Variants in CENPQ observed in about 807,000 individuals in gnomAD.
CENPQ encodes centromere protein Q.
Under a neutral mutation model 36.6 loss-of-function variants are expected in CENPQ, and 27 were observed. The observed-to-expected ratio is 0.74, with a 90% CI of 0.54 to 1.02. CENPQ has a LOEUF of 1.02. Among genes scored for constraint, CENPQ ranks in the 50% least tolerant of loss-of-function variants. CENPQ has a pLI of 0.00. For missense variants in CENPQ, 306 were observed against 301.8 expected, an observed-to-expected ratio of 1.01 and a Z score of -0.10; for synonymous variants, 101 against 101.7, an observed-to-expected ratio of 0.99 and a Z score of 0.04.
chr6:49,483,866 A>C (rs995185809), intron 6 of CENPQ, among the ~76,000 whole-genome samples: 17 of 152,224 alleles, frequency 1.1e-4, no homozygotes, highest in African/African-American at 3.9e-4. Flanking sequence ...GGGCTCCCAC[A>C]GTGCAGCAGT....
chr6:49,485,802 G>GA (rs373232968), intron 6 of CENPQ, among the ~76,000 whole-genome samples: 47 of 144,276 alleles, frequency 3.3e-4, no homozygotes, highest in African/African-American at 7.1e-4. Context: ...AAGGAATTGA[G>GA]AAAAAAAAAA....
At chr6:49,487,376 T>C (rs575998470) in intron 6 of CENPQ, among the ~76,000 whole-genome samples, 2 of 143,936 alleles carry the variant, frequency 1.4e-5, no homozygotes, top group South Asian at 4.4e-4. Flanking sequence ...TCTTTTAAAA[T>C]GTACAAACAA....
intron 1 of CENPQ, among the ~76,000 whole-genome samples, chr6:49,468,986 A>T (rs1265606672): frequency 6.6e-6 from 1 of 152,196 alleles, no homozygotes; most frequent in African/African-American, 2.4e-5. Context: ...TAGAAATTGA[A>T]CACAAGATAG....
intron 5 of CENPQ, 142 bp downstream of exon 5, chr6:49,473,000 CT>C (rs1371534804): frequency 1.9e-6 from 1 of 537,266 alleles, no homozygotes; most frequent in Non-Finnish European, 2.7e-6. Context: ...TATGTTTTCT[CT>C]TTTTTCTAAA....
At chr6:49,472,322 A>T in intron 4 of CENPQ, 139 bp downstream of exon 4, 2 of 674,514 alleles carry the variant, frequency 3.0e-6, no homozygotes, top group Non-Finnish European at 4.3e-6. Context: ...AATTAATGTG[A>T]CGGTATTTGC....
intron 6 of CENPQ, 144 bp from the exon 7 acceptor site, chr6:49,488,208 C>A: frequency 1.7e-6 from 1 of 579,876 alleles, no homozygotes; most frequent in African/African-American, 1.9e-5. Context: ...TTGAAAGAAA[C>A]AAAAGTAAAT....
At chr6:49,477,293 C>T (rs974277259) in intron 5 of CENPQ, among the ~76,000 whole-genome samples, 31 of 151,798 alleles carry the variant, frequency 2.0e-4, no homozygotes, top group African/African-American at 7.0e-4. Flanking sequence ...AGCTGGAAAC[C>T]ATCATTCTCA....
intron 5 of CENPQ, among the ~76,000 whole-genome samples, chr6:49,480,097 A>G (rs896295459): frequency 6.6e-6 from 1 of 152,156 alleles, no homozygotes; most frequent in Non-Finnish European, 1.5e-5. Context: ...TGAATCTAAA[A>G]TAAAAGATTT....
chr6:49,484,196 C>A (rs1249895325), intron 6 of CENPQ, among the ~76,000 whole-genome samples: 1 of 152,174 alleles, frequency 6.6e-6, no homozygotes, highest in Admixed American at 6.5e-5. Flanking sequence ...ATAGTTATAT[C>A]CCTTAATCCT....
In CENPQ at chr6:49,488,620, ATAG is replaced by A; in HGVS notation, c.616_618del (p.Ser206del). ...CTTCTACTTTAGATGCATCAAATAAATAGTAGTGGAGTACTCTCTCTTCCGGAA... is the reference window on the plus strand; with the variant it reads ...CTTCTACTTTAGATGCATCAAATAAATAGTGGAGTACTCTCTCTTCCGGAA... On this transcript the variant is annotated inframe_deletion, in exon 8 of 9. Transcript: ENST00000335783. The A allele has an allele frequency of 6.2e-7, 1 of 1,613,476 alleles. No homozygotes were observed. Among genetic ancestry groups the A allele is most frequent in the Non-Finnish European group, 8.5e-7 (1 of 1,179,436 alleles).
At chr6:49,481,270 G>T (rs1314865151) in intron 6 of CENPQ, among the ~76,000 whole-genome samples, 190 bp downstream of exon 6, 1 of 152,114 alleles carries the variant, frequency 6.6e-6, no homozygotes, top group Non-Finnish European at 1.5e-5. Context: ...CACCTCTAAA[G>T]TTGAAGTATT....
intron 6 of CENPQ, among the ~76,000 whole-genome samples, chr6:49,482,735 A>T (rs1268364957): frequency 6.6e-6 from 1 of 152,140 alleles, no homozygotes; most frequent in Admixed American, 6.5e-5. Flanking sequence ...GTGGTCGCCA[A>T]AATGTGTCTG....
intron 6 of CENPQ, among the ~76,000 whole-genome samples, chr6:49,487,328 T>C (rs1455664162): frequency 1.3e-5 from 2 of 151,568 alleles, no homozygotes; most frequent in Non-Finnish European, 2.9e-5. Flanking sequence ...TTGACTGTTT[T>C]GTTGCATATC....
At chr6:49,481,458 G>T (rs1369255764) in intron 6 of CENPQ, among the ~76,000 whole-genome samples, 5 of 152,146 alleles carry the variant, frequency 3.3e-5, no homozygotes, top group South Asian at 2.1e-4. Flanking sequence ...TGAAGCTGCA[G>T]ACCTTCGCGG....
At chr6:49,473,280 A>G (rs1194554844) in intron 5 of CENPQ, among the ~76,000 whole-genome samples, 1 of 152,166 alleles carries the variant, frequency 6.6e-6, no homozygotes, top group Non-Finnish European at 1.5e-5. Flanking sequence ...ATTTTCTAAG[A>G]TATTATTGCT....
At chr6:49,476,330 T>TC (rs1343360967) in intron 5 of CENPQ, among the ~76,000 whole-genome samples, 2 of 152,064 alleles carry the variant, frequency 1.3e-5, no homozygotes, top group South Asian at 2.1e-4. Context: ...GGGAAAGGAT[T>TC]CCTATTTAAT....
At chr6:49,475,767 T>A (rs1768272309) in intron 5 of CENPQ, among the ~76,000 whole-genome samples, 1 of 152,160 alleles carries the variant, frequency 6.6e-6, no homozygotes, top group African/African-American at 2.4e-5. Context: ...ACAAGCATTC[T>A]TATACACCAA....
chr6:49,465,228 G>A (rs547934478), intron 1 of CENPQ, among the ~76,000 whole-genome samples: 1 of 152,322 alleles, frequency 6.6e-6, no homozygotes, highest in East Asian at 1.9e-4. Flanking sequence ...TTTGTGAGCT[G>A]TAGGTCTCAA....
At chr6:49,465,302 T>C (rs1302514633) in intron 1 of CENPQ, among the ~76,000 whole-genome samples, 1 of 152,182 alleles carries the variant, frequency 6.6e-6, no homozygotes, top group Non-Finnish European at 1.5e-5. Flanking sequence ...CATGCTTTGT[T>C]CTTCCATTTC....
Sources: allele counts gnomAD v4.1 joint callset (sites outside exome capture counted in the v4.1 genomes callset), GRCh38; gene constraint gnomAD v4.1.1; transcripts MANE v1.5; gene names NCBI Gene and HGNC (gene_info 2026-07-23, HGNC 2026-07-21).